Variants in TMEM63A observed in about 807,000 individuals in gnomAD.
TMEM63A encodes the protein mechanosensitive cation channel TMEM63A.
A neutral mutation model predicts 100.6 loss-of-function variants in TMEM63A; 76 were observed. The observed-to-expected ratio is 0.76, with a 90% confidence interval of 0.63 to 0.91. The LOEUF (loss-of-function observed/expected upper bound fraction) is 0.91. Among genes scored for constraint, TMEM63A ranks in the 40% least tolerant of loss-of-function variants. The pLI, the probability that TMEM63A is intolerant of heterozygous loss-of-function variation, is 0.00. For missense variants in TMEM63A, 876 were observed against 1,008.8 expected, an observed-to-expected ratio of 0.87 and a Z score of 1.78; for synonymous variants, 401 against 401.1, an observed-to-expected ratio of 1.00 and a Z score of 0.00.
Position 225,867,756 on chromosome 1 carries a change from G to T in TMEM63A, c.514+132C>A. 8.0e-7 allele frequency: 1 copy of T among 1,250,012 alleles called. No individual in the cohort carries two copies. The highest frequency in any genetic ancestry group is 1.1e-6 in the Non-Finnish European group (1 of 916,870). The allele number at this position is 1,250,012 out of a possible 1,614,324, so 77.4% of individuals were successfully genotyped here. On this transcript the variant is annotated intron_variant, in intron 7 of 24. Coordinates refer to ENST00000366835, the MANE Select transcript of TMEM63A (RefSeq NM_014698.3). The surrounding 1 kb of genome is among the most constrained non-coding windows in gnomAD (Gnocchi z 4.6). ...CTTTAATCAGATAGAAATGTTCAGAGTCACCCTGAGACCATCTTACATCTG... is the reference window on the plus strand; with the variant it reads ...CTTTAATCAGATAGAAATGTTCAGATTCACCCTGAGACCATCTTACATCTG...
At chr1:225,842,547 T>C, downstream of TMEM63A, 1 of 1,082,418 alleles carries the variant, frequency 9.2e-7, no homozygotes. Flanking sequence ...CTTCATCCCC[T>C]TGTCTGGTTG....
Position 225,853,447 on chromosome 1 carries a change from TGGA to T in TMEM63A, c.1797+179_1797+181del, listed in dbSNP as rs748397163. On this transcript the variant is annotated intron_variant, in intron 19 of 24. Transcript: ENST00000366835. This position sits in a 1 kb window ranked among gnomAD's most constrained non-coding sequence, Gnocchi z 4.0. Reference sequence around the variant, plus strand: ...CCAGCCTGTGAGCTAGAGAGGAGGCTGGAGGAGGCCACGCCTGCCTGGACCCGG... The same window carrying T: ...CCAGCCTGTGAGCTAGAGAGGAGGCTGGAGGCCACGCCTGCCTGGACCCGG... Among the ~76,000 whole-genome samples, 24 of 152,164 alleles carry T rather than the reference TGGA, an allele frequency of 1.6e-4. No homozygotes were observed. Among genetic ancestry groups the T allele is most frequent in the Non-Finnish European group, 3.4e-4 (23 of 68,010 alleles).
At position 225,847,016 on chromosome 1, in the gene TMEM63A, G is replaced by A. The variant is rs763576124; in HGVS notation, c.*6+18C>T. ...CACCCCACAGGCTCCCCTGAGCCTG[G>A]CCCAGCCAGCAGCTCACCCAGCCTC... On this transcript the variant is annotated intron_variant, in intron 24 of 24. Coordinates refer to ENST00000366835, the MANE Select transcript of TMEM63A (RefSeq NM_014698.3). 1 of 1,596,124 alleles carries A rather than the reference G, an allele frequency of 6.3e-7. No individual in the cohort carries two copies. The highest frequency in any genetic ancestry group is 1.3e-5 in the African/African-American group (1 of 74,738).
At chr1:225,878,808 G>C (rs537309391) in intron 2 of TMEM63A, among the ~76,000 whole-genome samples, 1 of 152,100 alleles carries the variant, frequency 6.6e-6, no homozygotes, top group African/African-American at 2.4e-5. Context: ...CTGGTGAGGT[G>C]TGTATGTTGG....
At position 225,880,570 on chromosome 1, in the gene TMEM63A, G is replaced by A. The variant is rs115782869; in HGVS notation, c.-205-1160C>T. The stretch of plus-strand genomic sequence containing the variant: ...TCAGTCATCCTAGATGTATGTGAAT[G>A]CCTAGCACTTACCTGTGCCTTCCAG... On this transcript the variant is annotated intron_variant, in intron 1 of 24. Transcript: ENST00000366835. 2.4e-3 allele frequency among the ~76,000 whole-genome samples: 373 copies of A among 152,276 alleles called. 1 individual carries two copies. The highest frequency in any genetic ancestry group is 8.4e-3 in the African/African-American group (349 of 41,560).
chr1:225,845,560 A>G lies in TMEM63A; in HGVS notation c.*1379T>C. On this transcript the variant is annotated 3_prime_UTR_variant, in exon 25 of 25. Coordinates refer to ENST00000366835, the MANE Select transcript of TMEM63A (RefSeq NM_014698.3). ...CTTTGATGATAAACGACTTTACTCT[A>G]AAAGCGGCTGGAACTCAGTGACATG... 1.6e-6 allele frequency: 1 copy of G among 610,766 alleles called. No individual in the cohort carries two copies. The highest frequency in any genetic ancestry group is 2.9e-6 in the Non-Finnish European group (1 of 346,938). The allele number at this position is 610,766 out of a possible 1,614,324, so 37.8% of individuals were successfully genotyped here.
chr1:225,862,248 A>G lies in TMEM63A; in HGVS notation c.1055T>C (p.Val352Ala). Residue 352 changes from valine (V) to alanine (A), a missense_variant, in exon 13 of 25, where the codon GTC becomes GCC. By Grantham distance (64) the Val-to-Ala change is moderately conservative. This residue lies in a region of TMEM63A where 487 missense variants were observed against 581.9 expected (regional missense o/e 0.84). Coordinates refer to ENST00000366835, the MANE Select transcript of TMEM63A (RefSeq NM_014698.3). The surrounding 1 kb of genome is among the most constrained non-coding windows in gnomAD (Gnocchi z 5.1). ...VQDQPLGMAF[V>A]TFQEKSMATY... ...GGCCATGGACTTCTCCTGGAAGGTGACGAAGGCCATTCCCAGGGGCTGGTC... is the reference window on the plus strand; with the variant it reads ...GGCCATGGACTTCTCCTGGAAGGTGGCGAAGGCCATTCCCAGGGGCTGGTC... The G allele has an allele frequency of 6.2e-7, 1 of 1,614,112 alleles. No individual in the cohort carries two copies. The highest frequency in any genetic ancestry group is 8.5e-7 in the Non-Finnish European group (1 of 1,180,022).
intron 3 of TMEM63A, among the ~76,000 whole-genome samples, chr1:225,875,096 G>T (rs542524300): frequency 6.6e-5 from 10 of 152,186 alleles, no homozygotes; most frequent in Admixed American, 6.5e-4. Flanking sequence ...AGCCAGAAAC[G>T]GTCAGTTTTT....
Position 225,871,694 on chromosome 1 carries a change from C to T in TMEM63A, c.333+293G>A, listed in dbSNP as rs532363737. 3 of 385,308 alleles carry T rather than the reference C, an allele frequency of 7.8e-6. No homozygotes were observed. In the East Asian group the frequency reaches 1.2e-4, roughly 16 times the overall value. The allele number at this position is 385,308 out of a possible 1,614,324, so 23.9% of individuals were successfully genotyped here. The stretch of plus-strand genomic sequence containing the variant: ...CACATCTGGCTCATAATCCAGCCAG[C>T]AAGTCCATAATTAACTGTCATACAA... On this transcript the variant is annotated intron_variant, in intron 5 of 24. Coordinates refer to ENST00000366835, the MANE Select transcript of TMEM63A (RefSeq NM_014698.3).
At chr1:225,842,285 CA>C, downstream of TMEM63A, 1 of 1,068,184 alleles carries the variant, frequency 9.4e-7, no homozygotes, top group Non-Finnish European at 1.5e-6. Context: ...CCTCTGCGGC[CA>C]GTGCCACACA....
rs1365329613 is a variant in TMEM63A at position 225,845,597 on chromosome 1, A to AC, written c.*1341dup. Reference sequence around the variant, plus strand: ...AACTCAGTGACATGAGCGTGCGCTGACCCCACATGGGGCCCCCTGTGCAAG... The same window carrying AC: ...AACTCAGTGACATGAGCGTGCGCTGACCCCCACATGGGGCCCCCTGTGCAAG... On this transcript the variant is annotated 3_prime_UTR_variant, in exon 25 of 25. Coordinates refer to ENST00000366835, the MANE Select transcript of TMEM63A (RefSeq NM_014698.3). 1 of 560,872 alleles carries AC rather than the reference A, an allele frequency of 1.8e-6. No homozygotes were observed. The highest frequency in any genetic ancestry group is 3.2e-6 in the Non-Finnish European group (1 of 312,852). 34.7% of individuals were successfully genotyped at this position (560,872 alleles called of 1,614,324 possible).
At chr1:225,861,607 G>C (rs1164039935) in intron 13 of TMEM63A, 1 of 155,846 alleles carries the variant, frequency 6.4e-6, no homozygotes, top group African/African-American at 2.4e-5. Flanking sequence ...CAATGCCTGG[G>C]GCAGTGGCTG....
At chr1:225,858,958 G>A (rs893614866) in intron 15 of TMEM63A, among the ~76,000 whole-genome samples, 8 of 90,320 alleles carry the variant, frequency 8.9e-5, no homozygotes, top group South Asian at 6.7e-4. Flanking sequence ...ATGTGTGTGT[G>A]TGTGTGTGTG....
chr1:225,881,956 G>A (rs909742235), intron 1 of TMEM63A, among the ~76,000 whole-genome samples: 1 of 152,206 alleles, frequency 6.6e-6, no homozygotes, highest in Non-Finnish European at 1.5e-5. Flanking sequence ...CTCGTATAGG[G>A]TCCGAGGAGC....
Position 225,862,876 on chromosome 1 carries a change from A to C in TMEM63A, c.747-25T>G. 1 of 1,611,244 alleles carries C rather than the reference A, an allele frequency of 6.2e-7. No individual in the cohort carries two copies. The highest frequency in any genetic ancestry group is 1.3e-5 in the African/African-American group (1 of 74,864). On this transcript the variant is annotated intron_variant, in intron 10 of 24. Coordinates refer to ENST00000366835, the MANE Select transcript of TMEM63A (RefSeq NM_014698.3). The surrounding 1 kb of genome is among the most constrained non-coding windows in gnomAD (Gnocchi z 5.1). ...CCTGTGGCCAGGGAGAGAAGGAGGC[A>C]AAAGACACCGTTGGAAAAGAAAACA...
rs1210805348 is a variant in TMEM63A, at chr1:225,862,419, A to G, written c.951+36T>C. ...TGGTATCTGGGGCACCCCGATGCCA[A>G]TGCCTCTGCTCCCAGCCGGGGGGTG... is the stretch of plus-strand genomic sequence containing the variant. On this transcript the variant is annotated intron_variant, in intron 12 of 24. Coordinates refer to ENST00000366835, the MANE Select transcript of TMEM63A (RefSeq NM_014698.3). The surrounding 1 kb of genome is among the most constrained non-coding windows in gnomAD (Gnocchi z 5.1). The G allele has an allele frequency of 6.2e-7, 1 of 1,613,808 alleles. No individual in the cohort carries two copies. Among genetic ancestry groups the G allele is most frequent in the Non-Finnish European group, 8.5e-7 (1 of 1,179,748 alleles).
At position 225,845,597 on chromosome 1, in the gene TMEM63A, A is replaced by T; in HGVS notation, c.*1342T>A. The T allele has an allele frequency of 5.3e-6, 3 of 560,992 alleles. No individual in the cohort carries two copies. Among genetic ancestry groups the T allele is most frequent in the Non-Finnish European group, 9.6e-6 (3 of 312,844 alleles). The allele number at this position is 560,992 out of a possible 1,614,324, so 34.8% of individuals were successfully genotyped here. A position where few individuals can be genotyped will look rare whatever the true frequency, so the allele number is the denominator to read the frequency against. On this transcript the variant is annotated 3_prime_UTR_variant, in exon 25 of 25. Transcript: ENST00000366835. ...AACTCAGTGACATGAGCGTGCGCTG[A>T]CCCCACATGGGGCCCCCTGTGCAAG...
intron 17 of TMEM63A, among the ~76,000 whole-genome samples, chr1:225,856,397 G>A (rs1669615728): frequency 6.6e-6 from 1 of 150,460 alleles, no homozygotes; most frequent in Admixed American, 6.6e-5. Flanking sequence ...GGCCGAGGCG[G>A]GTGGATCACC....
rs1157988244 is a variant in TMEM63A, at chr1:225,859,180, C to T, written c.1377+16G>A. 9.3e-6 allele frequency: 15 copies of T among 1,613,872 alleles called. No individual in the cohort carries two copies. The highest frequency in any genetic ancestry group is 6.7e-5 in the East Asian group (3 of 44,880). ...ACCAGCTATCCTGGGAGGGGCCTTG[C>T]AGAACAGTTACTCACATTCAGCGCA... On this transcript the variant is annotated intron_variant, in intron 15 of 24. Transcript: ENST00000366835.
Sources: allele counts gnomAD v4.1 joint callset (sites outside exome capture counted in the v4.1 genomes callset), GRCh38; gene constraint gnomAD v4.1.1; regional missense constraint gnomAD v4.1.1; non-coding constraint Gnocchi (gnomAD v3.1); transcripts MANE v1.5; gene names NCBI Gene and HGNC (gene_info 2026-07-23, HGNC 2026-07-21).